RSPRY1: variants seen among roughly 807,000 people sequenced by gnomAD.
RSPRY1 encodes the protein ring finger and SPRY domain containing 1, also known as RING finger and SPRY domain-containing protein 1.
A neutral mutation model predicts 73.1 loss-of-function variants in RSPRY1; 23 were observed. The ratio of observed to expected loss-of-function variants is 0.31; its 90% CI spans 0.23 to 0.45. RSPRY1 has a LOEUF of 0.45. Among genes scored for constraint, RSPRY1 ranks in the 20% least tolerant of loss-of-function variants. The pLI, the probability that RSPRY1 is intolerant of heterozygous loss-of-function variation, is 1.00. For missense variants in RSPRY1, 448 were observed against 698.7 expected (o/e 0.64, Z 4.05); for synonymous variants, 226 against 251.4 (o/e 0.90, Z 0.95).
At chr16:57,200,283 GAA>G (rs1392884530) in intron 1 of RSPRY1, among the ~76,000 whole-genome samples, 4 of 150,304 alleles carry the variant, frequency 2.7e-5, no homozygotes, top group Non-Finnish European at 4.4e-5. Context: ...AGAACAAAAT[GAA>G]AAGTCTCCCA....
chr16:57,223,059 A>G (rs757514631), intron 10 of RSPRY1, among the ~76,000 whole-genome samples: 5 of 152,180 alleles, frequency 3.3e-5, no homozygotes, highest in Non-Finnish European at 7.3e-5. Context: ...CTCTTCCCTG[A>G]TCCAAGCATT....
intron 1 of RSPRY1, among the ~76,000 whole-genome samples, chr16:57,199,146 G>A (rs1249417797): frequency 6.6e-6 from 1 of 152,138 alleles, no homozygotes; most frequent in Non-Finnish European, 1.5e-5. Context: ...GAAGGTTGTG[G>A]TATTAAAAAG....
intron 11 of RSPRY1, among the ~76,000 whole-genome samples, chr16:57,229,690 CTTTTTTTTTTTTTT>C (rs1162737560): frequency 4.5e-4 from 19 of 42,140 alleles, no homozygotes; most frequent in East Asian, 2.8e-3. Flanking sequence ...AAGATAAATG[CTTTTTTTTTTTTTT>C]TTTTTTTTTT....
At chr16:57,216,298 CT>C (rs1480999938) in intron 7 of RSPRY1, 125 bp downstream of exon 7, 2 of 716,904 alleles carry the variant, frequency 2.8e-6, no homozygotes, top group Non-Finnish European at 2.4e-6. Flanking sequence ...CTGTTTTCAT[CT>C]GGATAGACAC....
Position 57,220,876 on chromosome 16 carries a change from T to C in RSPRY1, c.1017+29T>C, listed in dbSNP as rs748389895. The C allele has an allele frequency of 8.2e-6, 12 of 1,463,164 alleles. No individual in the cohort carries two copies. In the African/African-American group the frequency reaches 1.4e-4, roughly 17 times the overall value. The allele number at this position is 1,463,164 out of a possible 1,614,324, so 90.6% of individuals were successfully genotyped here. ...GGTAATGCTTCTACAGTTGGACCCTTTGGGGGATGAGAGGGTAATTATTTT... is the reference window on the plus strand; with the variant it reads ...GGTAATGCTTCTACAGTTGGACCCTCTGGGGGATGAGAGGGTAATTATTTT... On this transcript the variant is annotated intron_variant, in intron 9 of 14. Transcript: ENST00000394420.
chr16:57,230,697 T>C lies in RSPRY1; in HGVS notation c.1274-14T>C. ...CACATCATTATCCTAACAGTGTTTC[T>C]CTTTATCCTCTAGGAGATACAGTAG... On this transcript the variant is annotated splice_polypyrimidine_tract_variant and intron_variant, in intron 11 of 14. Transcript: ENST00000394420. 1 of 1,427,768 alleles carries C rather than the reference T, an allele frequency of 7.0e-7. No homozygotes were observed. Among genetic ancestry groups the C allele is most frequent in the Non-Finnish European group, 9.9e-7 (1 of 1,013,056 alleles). The allele number at this position is 1,427,768 out of a possible 1,614,324, so 88.4% of individuals were successfully genotyped here.
chr16:57,235,098 T>A (rs2075281244), intron 13 of RSPRY1, 26 bp from the exon 14 acceptor site: 1 of 1,559,776 alleles, frequency 6.4e-7, no homozygotes, highest in Non-Finnish European at 8.8e-7. Context: ...TGACAAAATG[T>A]ATTTCAAATT....
At chr16:57,230,848 A>G (rs1347651600) in intron 12 of RSPRY1, 35 bp downstream of exon 12, 8 of 1,158,400 alleles carry the variant, frequency 6.9e-6, no homozygotes, top group Non-Finnish European at 1.0e-5. Flanking sequence ...ATTCGAGTAG[A>G]TGCACGGAAT....
chr16:57,221,215 A>G (rs2075029147), intron 9 of RSPRY1, 57 bp from the exon 10 acceptor site: 1 of 1,593,598 alleles, frequency 6.3e-7, no homozygotes, highest in South Asian at 1.1e-5. Context: ...GTAGTCAGTT[A>G]TCTTTGGTGG....
intron 2 of RSPRY1, 133 bp from the exon 3 acceptor site, chr16:57,207,925 C>T (rs1401046781): frequency 1.5e-6 from 1 of 659,730 alleles, no homozygotes; most frequent in Non-Finnish European, 2.7e-6. Context: ...CAGGTTGTCT[C>T]TTCTATCTCT....
Position 57,217,042 on chromosome 16 carries a change from G to T in RSPRY1, c.901+7G>T. ...TGGAGCTTAGACAATCTCTGTAAGTGGGAGTTGTCCTTTATTAAAATGTCC... is the reference window on the plus strand; with the variant it reads ...TGGAGCTTAGACAATCTCTGTAAGTTGGAGTTGTCCTTTATTAAAATGTCC... On this transcript the variant is annotated splice_region_variant and intron_variant, in intron 8 of 14. Coordinates refer to ENST00000394420, the MANE Select transcript of RSPRY1 (RefSeq NM_133368.3). 1 of 1,614,030 alleles carries T rather than the reference G, an allele frequency of 6.2e-7. No homozygotes were observed. Among genetic ancestry groups the T allele is most frequent in the Non-Finnish European group, 8.5e-7 (1 of 1,179,950 alleles).
intron 1 of RSPRY1, among the ~76,000 whole-genome samples, chr16:57,189,222 T>G (rs2074307752): frequency 1.3e-5 from 2 of 152,024 alleles, no homozygotes; most frequent in South Asian, 4.2e-4. Context: ...CTTGAACTCC[T>G]GAGCTCAAAG....
intron 1 of RSPRY1, among the ~76,000 whole-genome samples, chr16:57,194,684 C>T (rs1424120065): frequency 6.6e-6 from 1 of 152,120 alleles, no homozygotes; most frequent in Non-Finnish European, 1.5e-5. Flanking sequence ...TATGGTCACT[C>T]TTGTAATCAG....
chr16:57,203,479 C>A (rs1209693299), intron 1 of RSPRY1, among the ~76,000 whole-genome samples: 1 of 152,130 alleles, frequency 6.6e-6, no homozygotes, highest in Non-Finnish European at 1.5e-5. Context: ...GTGGCCTGTT[C>A]TCCAGCTGTC....
chr16:57,218,273 C>A (rs1435775583), intron 8 of RSPRY1, among the ~76,000 whole-genome samples: 1 of 152,104 alleles, frequency 6.6e-6, no homozygotes, highest in African/African-American at 2.4e-5. Context: ...ATATCTGTCC[C>A]CTCAAGCATT....
At chr16:57,233,948 AT>A (rs1351931355) in intron 13 of RSPRY1, among the ~76,000 whole-genome samples, 1 of 152,090 alleles carries the variant, frequency 6.6e-6, no homozygotes, top group East Asian at 1.9e-4. Context: ...CTCCAGAATG[AT>A]TTGTTACAAC....
chr16:57,238,810 G>T, intron 14 of RSPRY1, 69 bp from the exon 15 acceptor site: 2 of 773,632 alleles, frequency 2.6e-6, no homozygotes, highest in South Asian at 2.3e-5. Flanking sequence ...TTTTGATTTA[G>T]TTGGCAGGCA....
intron 1 of RSPRY1, among the ~76,000 whole-genome samples, chr16:57,195,437 G>A (rs771588548): frequency 5.9e-5 from 9 of 152,072 alleles, no homozygotes; most frequent in Non-Finnish European, 1.2e-4. Context: ...GCCTGAACCG[G>A]GGAGATGGAG....
chr16:57,234,328 AC>A (rs1329211733), intron 13 of RSPRY1, among the ~76,000 whole-genome samples: 1 of 152,116 alleles, frequency 6.6e-6, no homozygotes, highest in Non-Finnish European at 1.5e-5. Context: ...TTTTAATAAC[AC>A]CCCACCTCTG....
Sources: gnomAD v4.1 joint callset for allele counts (sites outside exome capture counted in the v4.1 genomes callset) on GRCh38, gnomAD v4.1.1 for gene constraint, MANE v1.5 for transcripts, NCBI Gene and HGNC (gene_info 2026-07-23, HGNC 2026-07-21) for gene names.